JAK1: variants seen among roughly 807,000 people sequenced by gnomAD.
The protein encoded by JAK1 is tyrosine-protein kinase JAK1.
Under a neutral mutation model 136.6 loss-of-function variants are expected in JAK1, and 16 were observed. The ratio of observed to expected loss-of-function variants is 0.12; its 90% CI spans 0.08 to 0.18. JAK1 has a LOEUF of 0.18. JAK1 is among the 10% of genes least tolerant of loss of function. The pLI is 1.00. For missense variants in JAK1, 859 were observed against 1,450.1 expected, an observed-to-expected ratio of 0.59 and a Z score of 6.62; for synonymous variants, 492 against 519.5, an observed-to-expected ratio of 0.95 and a Z score of 0.72.
chr1:65,067,397 TC>T (rs896371296), intron 1 of JAK1, among the ~76,000 whole-genome samples: 1 of 148,666 alleles, frequency 6.7e-6, no homozygotes, highest in African/African-American at 2.4e-5. Flanking sequence ...GCTTCCCGCG[TC>T]CCCAGGCCGG....
At chr1:64,947,348 C>T (rs968609940) in intron 1 of JAK1, among the ~76,000 whole-genome samples, 2 of 152,176 alleles carry the variant, frequency 1.3e-5, no homozygotes, top group African/African-American at 2.4e-5. Context: ...TCCCACCTGA[C>T]CCCCATCCAT....
intron 1 of JAK1, among the ~76,000 whole-genome samples, chr1:64,944,112 C>T (rs1645938503): frequency 6.7e-6 from 1 of 149,318 alleles, no homozygotes. Flanking sequence ...GTCCCAGCTA[C>T]TTGGGAGGCT....
At chr1:65,018,872 G>A (rs1041161894) in intron 2 of JAK1, among the ~76,000 whole-genome samples, 6 of 152,086 alleles carry the variant, frequency 3.9e-5, no homozygotes, top group African/African-American at 9.7e-5. Context: ...TTAGCCGGGC[G>A]TGGTGGCGGG....
chr1:64,887,788 C>T (rs1246000609), intron 1 of JAK1, among the ~76,000 whole-genome samples: 1 of 152,186 alleles, frequency 6.6e-6, no homozygotes, highest in Non-Finnish European at 1.5e-5. Flanking sequence ...ATAGCAGTCT[C>T]AGCAAAAGGA....
chr1:65,062,775 T>C (rs1647848287), intron 1 of JAK1, among the ~76,000 whole-genome samples: 1 of 152,266 alleles, frequency 6.6e-6, no homozygotes, highest in Non-Finnish European at 1.5e-5. Flanking sequence ...GTTTTACTCA[T>C]GTCCCTTCAC....
At chr1:64,877,044 A>T (rs1484199611) in intron 4 of JAK1, among the ~76,000 whole-genome samples, 1 of 152,142 alleles carries the variant, frequency 6.6e-6, no homozygotes, top group Admixed American at 6.6e-5. Context: ...TTATGCTAAG[A>T]TATATATATA....
chr1:65,016,098 A>G (rs1410407092), intron 2 of JAK1, among the ~76,000 whole-genome samples: 1 of 152,216 alleles, frequency 6.6e-6, no homozygotes, highest in Admixed American at 6.5e-5. Context: ...ATGCAAAAGG[A>G]CAAATATTGT....
Position 64,873,353 on chromosome 1 carries a change from G to C in JAK1, c.483+17C>G. The C allele has an allele frequency of 6.2e-7, 1 of 1,613,880 alleles. No individual in the cohort carries two copies. The highest frequency in any genetic ancestry group is 8.5e-7 in the Non-Finnish European group (1 of 1,179,842). ...CATCCCACAAACTCCAGCTTCTCCTGGGCCCAAACTTCCTACCTGAGCAAA... is the reference window on the plus strand; with the variant it reads ...CATCCCACAAACTCCAGCTTCTCCTCGGCCCAAACTTCCTACCTGAGCAAA... On this transcript the variant is annotated intron_variant, in intron 5 of 24. Transcript: ENST00000342505.
At chr1:64,938,572 G>A (rs566716956) in intron 1 of JAK1, among the ~76,000 whole-genome samples, 29 of 152,120 alleles carry the variant, frequency 1.9e-4, no homozygotes, top group Non-Finnish European at 2.9e-4. Flanking sequence ...TTATTGCTCC[G>A]CTTCCCTTGA....
At chr1:64,946,135 T>C (rs1645982018) in intron 1 of JAK1, among the ~76,000 whole-genome samples, 1 of 152,198 alleles carries the variant, frequency 6.6e-6, no homozygotes. Flanking sequence ...TTAAAAATGC[T>C]TGCCAAGAAA....
chr1:65,027,335 G>A (rs898240270), intron 2 of JAK1, among the ~76,000 whole-genome samples: 39 of 152,122 alleles, frequency 2.6e-4, no homozygotes, highest in African/African-American at 8.4e-4. Flanking sequence ...TTACAGGTGT[G>A]AGCCACTGCA....
Position 64,980,551 on chromosome 1 carries a change from TTTC to T in JAK1, c.-78+63926_-78+63928del, listed in dbSNP as rs536117862. Among the ~76,000 whole-genome samples the T allele has an allele frequency of 1.2e-3, 172 of 148,208 alleles. 1 individual carries two copies. The highest frequency in any genetic ancestry group is 4.2e-3 in the African/African-American group (160 of 38,526). On this transcript the variant is annotated intron_variant, in intron 2 of 25. Transcript: ENST00000671954. ...TAACAGCTGGATCCTTGGTCTCAAT[TTTC>T]TTTTTTTTTTTTAAACTCTTTTTTT...
intron 2 of JAK1, among the ~76,000 whole-genome samples, chr1:65,004,664 T>C (rs931097574): frequency 6.6e-6 from 1 of 152,234 alleles, no homozygotes; most frequent in Non-Finnish European, 1.5e-5. Context: ...GAATCAAGAC[T>C]ATAAGTAGGG....
intron 2 of JAK1, chr1:64,972,429 C>T (rs542339501): frequency 6.6e-6 from 1 of 152,334 alleles, no homozygotes; most frequent in South Asian, 2.1e-4. Flanking sequence ...ATGAATTAAT[C>T]TAAAATTATA....
chr1:64,980,523 C>A (rs914387771), intron 2 of JAK1, among the ~76,000 whole-genome samples: 1 of 151,908 alleles, frequency 6.6e-6, no homozygotes, highest in African/African-American at 2.4e-5. Flanking sequence ...GTTGACCCTC[C>A]TCTAACAGCT....
rs74891403 is a variant in JAK1, at chr1:64,903,658, T to C, written c.-77-17317A>G. Among the ~76,000 whole-genome samples, 472 of 152,328 alleles carry C rather than the reference T, an allele frequency of 3.1e-3. 21 individuals carry two copies. The East Asian group carries it at 0.087, about 28-fold the overall frequency. On this transcript the variant is annotated intron_variant, in intron 1 of 24. Coordinates refer to ENST00000342505, the MANE Select transcript of JAK1 (RefSeq NM_002227.4). ...AAATCTCTGAGCCTTAGCTCTTTTA[T>C]CTACTAAAATGGGAATAATACTAGC...
intron 2 of JAK1, among the ~76,000 whole-genome samples, chr1:65,001,938 C>T (rs977455968): frequency 6.6e-6 from 1 of 151,920 alleles, no homozygotes; most frequent in African/African-American, 2.4e-5. Context: ...TGTTAAGGAG[C>T]GTGAGTGCCC....
At chr1:64,878,092 T>C (rs765366840) in intron 4 of JAK1, among the ~76,000 whole-genome samples, 77 of 152,200 alleles carry the variant, frequency 5.1e-4, no homozygotes, top group Non-Finnish European at 6.9e-4. Context: ...TCAGAGGGCT[T>C]TTCTAGCAAA....
chr1:64,841,536 G>A lies in JAK1; in HGVS notation c.2469C>T (p.Leu823=), dbSNP rs560585690. 15 of 1,614,150 alleles carry A rather than the reference G, an allele frequency of 9.3e-6. No homozygotes were observed. In the Admixed American group the frequency reaches 2.3e-4, roughly 25 times the overall value. The change falls in exon 18 of 25, where the codon CTC becomes CTT. Residue 823 remains leucine (L), a synonymous_variant. Transcript: ENST00000342505. ...GGTCATAGTTCATGCAGCGGGTCAT[G>A]AGGTCAGCCAGCTCCTTACATGATG... is the stretch of plus-strand genomic sequence containing the variant. ...VTPSCKELAD[L]MTRCMNYDPN...
Sources: gnomAD v4.1 joint callset for allele counts (sites outside exome capture counted in the v4.1 genomes callset) on GRCh38, gnomAD v4.1.1 for gene constraint, MANE v1.5 for transcripts, NCBI Gene and HGNC (gene_info 2026-07-23, HGNC 2026-07-21) for gene names.